GXYLT2: variants seen among roughly 807,000 people sequenced by gnomAD.
GXYLT2 encodes glycosyltransferase 8 domain containing 4.
Under a neutral mutation model 45.8 loss-of-function variants are expected in GXYLT2, and 53 were observed. The observed-to-expected ratio is 1.16, with a 90% confidence interval of 0.93 to 1.46. The LOEUF is 1.46. GXYLT2 is among the 40% of genes most tolerant of loss of function. The pLI is 0.00. For missense variants in GXYLT2, 551 were observed against 544.4 expected (o/e 1.01, Z -0.12); for synonymous variants, 219 against 214.2 (o/e 1.02, Z -0.19).
At chr3:72,896,327 C>A (rs1178833297) in intron 1 of GXYLT2, among the ~76,000 whole-genome samples, 1 of 152,202 alleles carries the variant, frequency 6.6e-6, no homozygotes, top group Non-Finnish European at 1.5e-5. Flanking sequence ...GTAATCCCAG[C>A]ACTTTGGGAG....
rs751597814 is a variant in GXYLT2, at chr3:72,957,219, T to A, written c.853-10T>A. The A allele has an allele frequency of 3.7e-6, 6 of 1,602,190 alleles. No individual in the cohort carries two copies. The highest frequency in any genetic ancestry group is 5.1e-6 in the Non-Finnish European group (6 of 1,176,232). ...TGCTTCAGCTGTTCTGATGGTTTTC[T>A]TTTTTCCAGAACAGCATGATTCCAA... On this transcript the variant is annotated splice_polypyrimidine_tract_variant and intron_variant, in intron 4 of 6. Transcript: ENST00000389617.
chr3:72,903,867 TG>T (rs1709453167), intron 1 of GXYLT2, among the ~76,000 whole-genome samples: 1 of 152,206 alleles, frequency 6.6e-6, no homozygotes. Flanking sequence ...GTTGTAAGTT[TG>T]TTTCAAATTG....
At chr3:72,892,631 C>T (rs762583493) in intron 1 of GXYLT2, among the ~76,000 whole-genome samples, 11 of 152,182 alleles carry the variant, frequency 7.2e-5, no homozygotes, top group Middle Eastern at 3.2e-3. Context: ...TCAAGAGGCA[C>T]CATTTCCTGC....
chr3:72,947,633 C>G (rs1710434988), intron 3 of GXYLT2, among the ~76,000 whole-genome samples: 1 of 152,056 alleles, frequency 6.6e-6, no homozygotes, highest in African/African-American at 2.4e-5. Context: ...AACCTTGCCT[C>G]TACTAAAAAT....
At chr3:72,957,922 C>T (rs1308085575) in intron 5 of GXYLT2, among the ~76,000 whole-genome samples, 2 of 152,080 alleles carry the variant, frequency 1.3e-5, no homozygotes, top group South Asian at 2.1e-4. Context: ...TATATTAACA[C>T]GTAAAGCTAA....
chr3:72,906,061 C>T (rs893249908), intron 1 of GXYLT2, among the ~76,000 whole-genome samples: 13 of 152,114 alleles, frequency 8.5e-5, no homozygotes, highest in Admixed American at 8.5e-4. Context: ...CATAATTTTT[C>T]GTAGTGTATT....
At chr3:72,959,835 A>T (rs991688378) in intron 5 of GXYLT2, among the ~76,000 whole-genome samples, 1 of 151,944 alleles carries the variant, frequency 6.6e-6, no homozygotes, top group East Asian at 1.9e-4. Flanking sequence ...GGGTTTCGCC[A>T]TGTTGGCCAG....
chr3:72,908,661 A>G (rs940325745), intron 2 of GXYLT2, 102 bp downstream of exon 2: 8 of 979,326 alleles, frequency 8.2e-6, no homozygotes, highest in South Asian at 4.9e-5. Context: ...TGCATGTTCA[A>G]TTGTGTGACT....
At position 72,958,197 on chromosome 3, in the gene GXYLT2, C is replaced by T. The variant is rs547593099; in HGVS notation, c.976+845C>T. On this transcript the variant is annotated intron_variant, in intron 5 of 6. Transcript: ENST00000389617. ...CTGAGGCAGGAGAATCACTTGAACC[C>T]GGGAAGTGGAGGTTGCAGTGAGCCA... is the stretch of plus-strand genomic sequence containing the variant. Among the ~76,000 whole-genome samples, 19 of 151,102 alleles carry T rather than the reference C, an allele frequency of 1.3e-4. No individual in the cohort carries two copies. In the East Asian group the frequency reaches 2.2e-3, roughly 17 times the overall value.
chr3:72,925,787 G>T (rs1223511811), intron 3 of GXYLT2, among the ~76,000 whole-genome samples: 2 of 152,042 alleles, frequency 1.3e-5, no homozygotes, highest in African/African-American at 2.4e-5. Context: ...TCACCTAATG[G>T]CCTTAATTCT....
intron 1 of GXYLT2, among the ~76,000 whole-genome samples, chr3:72,898,518 C>G (rs1297371348): frequency 1.3e-5 from 2 of 152,140 alleles, no homozygotes; most frequent in Non-Finnish European, 2.9e-5. Flanking sequence ...CAGGTGCCTT[C>G]ATAGAATTCT....
rs190791689 is a variant in GXYLT2 at position 72,936,932 on chromosome 3, G to A, written c.600+14597G>A. On this transcript the variant is annotated intron_variant, in intron 3 of 6. Coordinates refer to ENST00000389617, the MANE Select transcript of GXYLT2 (RefSeq NM_001080393.2). ...CCAGGGTAGGAAGTTAATAGATAAG[G>A]TATATTATTTAGACACACAGAGGTA... Among the ~76,000 whole-genome samples the A allele has an allele frequency of 1.1e-4, 17 of 152,202 alleles. No individual in the cohort carries two copies. In the South Asian group the frequency reaches 1.7e-3, roughly 15 times the overall value.
intron 3 of GXYLT2, chr3:72,929,216 C>G (rs1466959585): frequency 3.0e-5 from 47 of 1,579,062 alleles, no homozygotes; most frequent in Non-Finnish European, 4.0e-5. Context: ...CTTTCTTCAC[C>G]AATCTCATGA....
chr3:72,965,231 T>C (rs966329018), intron 5 of GXYLT2, among the ~76,000 whole-genome samples: 1 of 152,214 alleles, frequency 6.6e-6, no homozygotes, highest in Admixed American at 6.5e-5. Context: ...CACTGTCCTA[T>C]AAAAGACTGA....
At chr3:72,943,336 T>C (rs1230751705) in intron 3 of GXYLT2, among the ~76,000 whole-genome samples, 2 of 151,698 alleles carry the variant, frequency 1.3e-5, no homozygotes, top group African/African-American at 4.8e-5. Context: ...ATCTTTATTT[T>C]AACTGAAAAA....
chr3:72,925,244 C>T (rs1218192008), intron 3 of GXYLT2, among the ~76,000 whole-genome samples: 1 of 151,632 alleles, frequency 6.6e-6, no homozygotes, highest in Non-Finnish European at 1.5e-5. Context: ...GCAACCTCCA[C>T]CTCCTGGGTT....
chr3:72,894,694 C>T (rs1027528434), intron 1 of GXYLT2, among the ~76,000 whole-genome samples: 12 of 152,348 alleles, frequency 7.9e-5, no homozygotes, highest in African/African-American at 1.4e-4. Flanking sequence ...CCGTGGAACA[C>T]GGGCTATACA....
At chr3:72,904,260 T>C (rs1709462437) in intron 1 of GXYLT2, among the ~76,000 whole-genome samples, 1 of 152,260 alleles carries the variant, frequency 6.6e-6, no homozygotes, top group African/African-American at 2.4e-5. Flanking sequence ...ACTCCTCCCC[T>C]GGATCCTCAC....
At chr3:72,904,848 C>A (rs530724250) in intron 1 of GXYLT2, among the ~76,000 whole-genome samples, 1 of 145,814 alleles carries the variant, frequency 6.9e-6, no homozygotes. Context: ...CGAGACCAGC[C>A]TGGCAAAACC....
Sources: gnomAD v4.1 joint callset for allele counts (sites outside exome capture counted in the v4.1 genomes callset) on GRCh38, gnomAD v4.1.1 for gene constraint, MANE v1.5 for transcripts, NCBI Gene and HGNC (gene_info 2026-07-23, HGNC 2026-07-21) for gene names.